Variants in ZNF616 observed in about 807,000 individuals in gnomAD.
The protein encoded by ZNF616 is zinc finger protein 616.
A neutral mutation model predicts 7.6 loss-of-function variants in ZNF616; 5 were observed. That is an observed-to-expected ratio of 0.66 (90% CI 0.34 to 1.38). ZNF616 has a LOEUF of 1.38. Among genes scored for constraint, ZNF616 ranks in the 40% most tolerant of loss-of-function variants. The pLI is 0.04. For synonymous variants in ZNF616, 319 were observed against 317.2 expected (o/e 1.01, Z -0.06); for missense variants, 913 against 948.3 (o/e 0.96, Z 0.49).
At chr19:52,123,784 G>T in intron 3 of ZNF616, 139 bp downstream of exon 3, 1 of 976,464 alleles carries the variant, frequency 1.0e-6, no homozygotes. Flanking sequence ...AAGGCCAGAT[G>T]CAGCATTGTG....
intron 1 of ZNF616, among the ~76,000 whole-genome samples, chr19:52,134,058 T>G (rs766496386): frequency 1.3e-5 from 2 of 152,170 alleles, no homozygotes; most frequent in African/African-American, 2.4e-5. Flanking sequence ...CATTATTTTG[T>G]TCATTTTTAT....
chr19:52,125,532 G>A (rs923995735), intron 2 of ZNF616, among the ~76,000 whole-genome samples: 6 of 152,192 alleles, frequency 3.9e-5, no homozygotes, highest in Admixed American at 3.3e-4. Flanking sequence ...CCTGGAGTAG[G>A]AGTTAGGTCC....
At position 52,114,378 on chromosome 19, in the gene ZNF616, CA is replaced by C. The variant is rs200481662; in HGVS notation, c.*439del. On this transcript the variant is annotated 3_prime_UTR_variant, in exon 4 of 4. Coordinates refer to ENST00000600228, the MANE Select transcript of ZNF616 (RefSeq NM_178523.5). Reference sequence around the variant, plus strand: ...GTATTAGGTCATAACTGCATTGCTACAAAAAAAAACCTGAGGCTGGCTAATG... The same window carrying C: ...GTATTAGGTCATAACTGCATTGCTACAAAAAAAACCTGAGGCTGGCTAATG... The C allele has an allele frequency of 1.5e-4, 24 of 156,898 alleles. No individual in the cohort carries two copies. Among genetic ancestry groups the C allele is most frequent in the Admixed American group, 3.1e-4 (5 of 16,146 alleles). 9.7% of individuals were successfully genotyped at this position (156,898 alleles called of 1,614,324 possible). A position where few individuals can be genotyped will look rare whatever the true frequency, so the allele number is the denominator to read the frequency against.
chr19:52,132,248 G>T (rs1038272683), intron 1 of ZNF616, among the ~76,000 whole-genome samples: 1 of 152,146 alleles, frequency 6.6e-6, no homozygotes, highest in Non-Finnish European at 1.5e-5. Context: ...GTGCAGGAGC[G>T]CAGGGGAATG....
chr19:52,115,566 C>T lies in ZNF616; in HGVS notation c.1598G>A (p.Arg533His), dbSNP rs748211494. The change falls in exon 4 of 4, where the codon CGT becomes CAT. Residue 533 changes from arginine (R) to histidine (H), a missense_variant. Physicochemically the swap from Arg to His is conservative, Grantham distance 29. Coordinates refer to ENST00000600228, the MANE Select transcript of ZNF616 (RefSeq NM_178523.5). Reference protein sequence around the residue: ...CKECGKVFSDRSAFARHRRIH... With the variant: ...CKECGKVFSDHSAFARHRRIH... The stretch of plus-strand genomic sequence containing the variant: ...TCTCCGATGCCTTGCAAAAGCTGAA[C>T]GGTCACTGAAGACCTTGCCACATTC... 25 of 1,612,556 alleles carry T rather than the reference C, an allele frequency of 1.6e-5. No individual in the cohort carries two copies. The highest frequency in any genetic ancestry group is 3.3e-4 in the Middle Eastern group (2 of 6,078).
intron 1 of ZNF616, among the ~76,000 whole-genome samples, chr19:52,135,219 A>G (rs1489565399): frequency 6.6e-6 from 1 of 152,012 alleles, no homozygotes; most frequent in Non-Finnish European, 1.5e-5. Context: ...TGCTCCCCAT[A>G]TCGTGCTACG....
At chr19:52,120,501 A>G (rs1393042809) in intron 3 of ZNF616, among the ~76,000 whole-genome samples, 1 of 152,198 alleles carries the variant, frequency 6.6e-6, no homozygotes, top group Non-Finnish European at 1.5e-5. Flanking sequence ...CTTAAACTCC[A>G]CAATCAGAAG....
At chr19:52,124,561 T>G (rs145067797) in intron 2 of ZNF616, among the ~76,000 whole-genome samples, 1 of 152,338 alleles carries the variant, frequency 6.6e-6, no homozygotes, top group Non-Finnish European at 1.5e-5. Context: ...TTGTTCCATG[T>G]TACTGTGTCA....
At chr19:52,123,547 G>A (rs1444632959) in intron 3 of ZNF616, among the ~76,000 whole-genome samples, 1 of 152,136 alleles carries the variant, frequency 6.6e-6, no homozygotes, top group Non-Finnish European at 1.5e-5. Flanking sequence ...GTGGAGGATT[G>A]CTTGAGCCCA....
chr19:52,124,613 T>C (rs1225630546), intron 2 of ZNF616, among the ~76,000 whole-genome samples: 1 of 152,170 alleles, frequency 6.6e-6, no homozygotes, highest in Non-Finnish European at 1.5e-5. Context: ...AACCTGAAAA[T>C]GGCAGAGCAA....
chr19:52,125,336 C>T (rs888238179), intron 2 of ZNF616, among the ~76,000 whole-genome samples: 19 of 152,214 alleles, frequency 1.2e-4, no homozygotes, highest in African/African-American at 4.3e-4. Flanking sequence ...AATCAAACGA[C>T]TTAAGTGCTT....
intron 2 of ZNF616, among the ~76,000 whole-genome samples, chr19:52,129,939 T>A (rs917503006): frequency 6.6e-6 from 1 of 152,080 alleles, no homozygotes; most frequent in Non-Finnish European, 1.5e-5. Context: ...CCTGCCACCA[T>A]GACTGGCTAA....
intron 3 of ZNF616, among the ~76,000 whole-genome samples, chr19:52,117,812 G>C (rs2088837927): frequency 6.6e-6 from 1 of 152,138 alleles, no homozygotes; most frequent in African/African-American, 2.4e-5. Context: ...AACAGTGTCA[G>C]ATCTGGTTAC....
chr19:52,127,335 G>A (rs1430974926), intron 2 of ZNF616, among the ~76,000 whole-genome samples: 1 of 152,164 alleles, frequency 6.6e-6, no homozygotes, highest in East Asian at 1.9e-4. Flanking sequence ...GATTACAGGT[G>A]TGAGCCACCA....
In ZNF616 at chr19:52,116,814, T is replaced by C. The variant is rs1360202519; in HGVS notation, c.350A>G (p.Asn117Ser). The change falls in exon 4 of 4, where the codon AAC becomes AGC. Residue 117 changes from asparagine to serine, a missense_variant. Transcript: ENST00000600228. ...TTGATCTCTTTTACCAGTAAGATTG[T>C]TTTCATGGGGCACTGGCACTTCTTT... ...NDKEVPVPHE[N>S]NLTGKRDQHS... 6.2e-7 allele frequency: 1 copy of C among 1,613,918 alleles called. No individual in the cohort carries two copies. Among genetic ancestry groups the C allele is most frequent in the Non-Finnish European group, 8.5e-7 (1 of 1,179,860 alleles).
chr19:52,115,679 G>GC lies in ZNF616; in HGVS notation c.1484dup (p.Cys495TrpfsTer3). 6.2e-7 allele frequency: 1 copy of GC among 1,614,046 alleles called. No homozygotes were observed. Among genetic ancestry groups the GC allele is most frequent in the Non-Finnish European group, 8.5e-7 (1 of 1,179,970 alleles). On this transcript the variant is annotated frameshift_variant, in exon 4 of 4. Transcript: ENST00000600228. LOFTEE classifies it low-confidence loss of function (END_TRUNC). ...GACTGAAGACCTTGCCACATTCATT[G>GC]CATTTGTAAGGTTTCTCTCCAGTAT...
intron 2 of ZNF616, among the ~76,000 whole-genome samples, chr19:52,125,713 C>T (rs1020503078): frequency 6.6e-6 from 1 of 152,202 alleles, no homozygotes; most frequent in African/African-American, 2.4e-5. Context: ...CTAATAAGCA[C>T]TCTCTAAGGT....
At chr19:52,130,343 A>C (rs2088946705) in intron 2 of ZNF616, among the ~76,000 whole-genome samples, 158 bp downstream of exon 2, 1 of 152,120 alleles carries the variant, frequency 6.6e-6, no homozygotes. Flanking sequence ...AGATGAGAGG[A>C]ACTGAGGAAA....
rs1166809415 is a variant in ZNF616, at chr19:52,114,579, T to C, written c.*239A>G. 3 of 455,038 alleles carry C rather than the reference T, an allele frequency of 6.6e-6. No individual in the cohort carries two copies. Among genetic ancestry groups the C allele is most frequent in the African/African-American group, 4.0e-5 (2 of 50,138 alleles). The allele number at this position is 455,038 out of a possible 1,614,324, so 28.2% of individuals were successfully genotyped here. On this transcript the variant is annotated 3_prime_UTR_variant, in exon 4 of 4. Transcript: ENST00000600228. ...GAGGGCAAGCGACAGGGAAGTGCTA[T>C]GCACTTCTAAACAGCCAGACCTCAA...
Sources: gnomAD v4.1 joint callset for allele counts (sites outside exome capture counted in the v4.1 genomes callset) on GRCh38, gnomAD v4.1.1 for gene constraint, MANE v1.5 for transcripts, NCBI Gene and HGNC (gene_info 2026-07-23, HGNC 2026-07-21) for gene names.